DNAAF9: variants seen among roughly 807,000 people sequenced by gnomAD.
The protein encoded by DNAAF9 is shulin.
A neutral mutation model predicts 167.0 loss-of-function variants in DNAAF9; 90 were observed. That is an observed-to-expected ratio of 0.54 (90% CI 0.45 to 0.64). The LOEUF (loss-of-function observed/expected upper bound fraction) is 0.64, where lower values mean the gene tolerates loss of function less well. Ranked by LOEUF, DNAAF9 falls within the 30% of genes least tolerant of loss-of-function variation. DNAAF9 has a pLI of 0.00. For synonymous variants in DNAAF9, 491 were observed against 508.8 expected, an observed-to-expected ratio of 0.96 and a Z score of 0.47; for missense variants, 1,315 against 1,442.2, an observed-to-expected ratio of 0.91 and a Z score of 1.43.
At chr20:3,268,222 G>A (rs892111627) in intron 30 of DNAAF9, among the ~76,000 whole-genome samples, 1 of 151,710 alleles carries the variant, frequency 6.6e-6, no homozygotes, top group Admixed American at 6.6e-5. Context: ...TAGAGGCGGG[G>A]TTTCGCCATG....
chr20:3,389,336 G>C (rs1202589587), intron 1 of DNAAF9, among the ~76,000 whole-genome samples: 1 of 149,468 alleles, frequency 6.7e-6, no homozygotes, highest in Non-Finnish European at 1.5e-5. Context: ...TTTTTTTGTA[G>C]AGATGGGTCT....
intron 16 of DNAAF9, 94 bp from the exon 17 acceptor site, chr20:3,318,494 C>T (rs2069550769): frequency 1.6e-5 from 11 of 685,314 alleles, no homozygotes; most frequent in Non-Finnish European, 2.7e-5. Context: ...CCTAAAGGAA[C>T]ATGGCAAAAG....
At chr20:3,336,761 A>C (rs917297349) in intron 10 of DNAAF9, among the ~76,000 whole-genome samples, 3 of 151,362 alleles carry the variant, frequency 2.0e-5, no homozygotes, top group Non-Finnish European at 4.4e-5. Context: ...CATGTTGGCC[A>C]GGCTGGTCTT....
chr20:3,333,321 G>T (rs1444828478), intron 10 of DNAAF9, among the ~76,000 whole-genome samples: 1 of 151,800 alleles, frequency 6.6e-6, no homozygotes, highest in Non-Finnish European at 1.5e-5. Flanking sequence ...ATCTCATGAG[G>T]GTTCCTAGAA....
chr20:3,340,178 T>C (rs1028771585), intron 10 of DNAAF9, among the ~76,000 whole-genome samples: 13 of 152,242 alleles, frequency 8.5e-5, no homozygotes, highest in African/African-American at 2.9e-4. Context: ...GGAATAACTA[T>C]CTTCAAATTA....
At chr20:3,337,210 C>T (rs1205175512) in intron 10 of DNAAF9, among the ~76,000 whole-genome samples, 10 of 150,972 alleles carry the variant, frequency 6.6e-5, no homozygotes, top group African/African-American at 2.2e-4. Flanking sequence ...TCTTCTATTT[C>T]GTTGTTGAAA....
rs189702263 is a variant in DNAAF9 at position 3,272,908 on chromosome 20, C to T, written c.2651-2346G>A. On this transcript the variant is annotated intron_variant, in intron 29 of 36. Coordinates refer to ENST00000252032, the MANE Select transcript of DNAAF9 (RefSeq NM_001009984.3). The stretch of plus-strand genomic sequence containing the variant: ...TGCAATCTCAGCTCACCACAACCTC[C>T]GCCTCCTGGGTTCAAGTGATTCCCC... Among the ~76,000 whole-genome samples the T allele has an allele frequency of 2.7e-3, 415 of 152,160 alleles. 1 individual carries two copies. The highest frequency in any genetic ancestry group is 9.3e-3 in the African/African-American group (387 of 41,520).
chr20:3,350,482 CAG>C (rs1228381387), intron 7 of DNAAF9, among the ~76,000 whole-genome samples: 1 of 151,898 alleles, frequency 6.6e-6, no homozygotes, highest in Non-Finnish European at 1.5e-5. Flanking sequence ...AGGAGGGAGA[CAG>C]AGAGAGAGAA....
At chr20:3,313,916 C>T (rs2069457304) in intron 20 of DNAAF9, among the ~76,000 whole-genome samples, 1 of 152,098 alleles carries the variant, frequency 6.6e-6, no homozygotes, top group Non-Finnish European at 1.5e-5. Context: ...GAGCTGAGAG[C>T]CAGAATTATT....
intron 6 of DNAAF9, among the ~76,000 whole-genome samples, chr20:3,366,074 T>C (rs950346499): frequency 1.3e-5 from 2 of 152,248 alleles, no homozygotes; most frequent in Admixed American, 1.3e-4. Flanking sequence ...CCTGTTAATG[T>C]TGTTATTCTG....
chr20:3,304,376 T>C, intron 21 of DNAAF9, 64 bp downstream of exon 21: 6 of 797,438 alleles, frequency 7.5e-6, no homozygotes, highest in Non-Finnish European at 6.8e-6. Context: ...AGTTATTTAG[T>C]TTTCCCCTCA....
chr20:3,397,101 G>T (rs2123293688), intron 1 of DNAAF9, among the ~76,000 whole-genome samples: 1 of 152,124 alleles, frequency 6.6e-6, no homozygotes, highest in African/African-American at 2.4e-5. Flanking sequence ...ACAAAAATTA[G>T]CCAGGTGTGG....
Position 3,358,925 on chromosome 20 carries a change from T to C in DNAAF9, c.690+591A>G, listed in dbSNP as rs994387895. ...TTTAGTTCTGTTTGTTGCCGCTCGT[T>C]GCAAATTTCCCCCCGATCCTGATAT... On this transcript the variant is annotated intron_variant, in intron 7 of 36. Coordinates refer to ENST00000252032, the MANE Select transcript of DNAAF9 (RefSeq NM_001009984.3). Among the ~76,000 whole-genome samples, 4 of 152,276 alleles carry C rather than the reference T, an allele frequency of 2.6e-5. No individual in the cohort carries two copies. The East Asian group carries it at 7.7e-4, about 29-fold the overall frequency.
At position 3,322,250 on chromosome 20, in the gene DNAAF9, C is replaced by T; in HGVS notation, c.1323G>A (p.Leu441=). 3 of 1,609,358 alleles carry T rather than the reference C, an allele frequency of 1.9e-6. No homozygotes were observed. The highest frequency in any genetic ancestry group is 2.2e-5 in the East Asian group (1 of 44,862). ...AVNNQGRIVP[L]DSEDSLSFVK... ...CAAAGGATAAGCTATCTTCACTGTCCAGCGGTACAATTCTAGGAGGGGAAA... is the reference window on the plus strand; with the variant it reads ...CAAAGGATAAGCTATCTTCACTGTCTAGCGGTACAATTCTAGGAGGGGAAA... The change falls in exon 16 of 37, where the codon CTG becomes CTA. Residue 441 remains leucine, a synonymous_variant. Transcript: ENST00000252032.
intron 8 of DNAAF9, among the ~76,000 whole-genome samples, chr20:3,347,398 A>C (rs1329756328): frequency 6.6e-6 from 1 of 152,208 alleles, no homozygotes; most frequent in South Asian, 2.1e-4. Context: ...AAAAATATTA[A>C]AGACCAACCT....
chr20:3,336,580 G>A (rs183600085), intron 10 of DNAAF9, among the ~76,000 whole-genome samples: 11 of 151,914 alleles, frequency 7.2e-5, no homozygotes, highest in South Asian at 2.1e-4. Flanking sequence ...ATGGAGTTTC[G>A]CTCTTCTCTC....
chr20:3,275,384 G>A (rs1468879159), intron 29 of DNAAF9, among the ~76,000 whole-genome samples: 1 of 152,186 alleles, frequency 6.6e-6, no homozygotes, highest in Non-Finnish European at 1.5e-5. Flanking sequence ...GTGGCCATAT[G>A]AACGGTGGTG....
chr20:3,250,818 A>G lies in DNAAF9; in HGVS notation c.*1754T>C, dbSNP rs2068183799. 1 of 152,036 alleles carries G rather than the reference A, an allele frequency of 6.6e-6. No homozygotes were observed. Among genetic ancestry groups the G allele is most frequent in the Non-Finnish European group, 1.5e-5 (1 of 68,026 alleles). 9.4% of individuals were successfully genotyped at this position (152,036 alleles called of 1,614,324 possible). A position where few individuals can be genotyped will look rare whatever the true frequency, so the allele number is the denominator to read the frequency against. ...AATGGCCTGTGGTTCCCACCCCCCAACCCCTTTTCTAAGGCTGCTCAAGTT... is the reference window on the plus strand; with the variant it reads ...AATGGCCTGTGGTTCCCACCCCCCAGCCCCTTTTCTAAGGCTGCTCAAGTT... On this transcript the variant is annotated 3_prime_UTR_variant, in exon 37 of 37. Transcript: ENST00000252032.
chr20:3,275,029 G>A (rs894539465), intron 29 of DNAAF9, among the ~76,000 whole-genome samples: 2 of 152,220 alleles, frequency 1.3e-5, no homozygotes, highest in African/African-American at 4.8e-5. Context: ...AGGCAGCAAA[G>A]CCAGCCTGGA....
Sources: gnomAD v4.1 joint callset for allele counts (sites outside exome capture counted in the v4.1 genomes callset) on GRCh38, gnomAD v4.1.1 for gene constraint, MANE v1.5 for transcripts, NCBI Gene and HGNC (gene_info 2026-07-23, HGNC 2026-07-21) for gene names.